PIK3C2G: variants seen among roughly 807,000 people sequenced by gnomAD.
PIK3C2G encodes the protein phosphatidylinositol 3-kinase C2 domain-containing subunit gamma.
A neutral mutation model predicts 181.1 loss-of-function variants in PIK3C2G; 168 were observed. The observed-to-expected ratio is 0.93, with a 90% CI of 0.82 to 1.05. PIK3C2G has a LOEUF of 1.05. PIK3C2G is among the 50% of genes least tolerant of loss of function. PIK3C2G has a pLI of 0.00. For synonymous variants in PIK3C2G, 573 were observed against 592.2 expected, an observed-to-expected ratio of 0.97 and a Z score of 0.47; for missense variants, 1,869 against 1,732.8, an observed-to-expected ratio of 1.08 and a Z score of -1.40.
intron 24 of PIK3C2G, among the ~76,000 whole-genome samples, chr12:18,512,470 A>C (rs1306593197): frequency 6.6e-6 from 1 of 151,896 alleles, no homozygotes; most frequent in Non-Finnish European, 1.5e-5. Flanking sequence ...AGTTTTTTTC[A>C]GTTTCTTTCA....
chr12:18,284,182 T>C (rs1169713812), intron 2 of PIK3C2G, among the ~76,000 whole-genome samples: 2 of 152,136 alleles, frequency 1.3e-5, no homozygotes, highest in South Asian at 4.1e-4. Context: ...GATAGGATTG[T>C]GTTAATTACA....
chr12:18,248,911 A>G (rs548983570), intron 1 of PIK3C2G, among the ~76,000 whole-genome samples: 1 of 152,306 alleles, frequency 6.6e-6, no homozygotes, highest in East Asian at 1.9e-4. Flanking sequence ...AAAGTTTCCA[A>G]ACATCTCCAT....
At chr12:18,265,084 A>G (rs1029426231) in intron 1 of PIK3C2G, among the ~76,000 whole-genome samples, 1 of 152,194 alleles carries the variant, frequency 6.6e-6, no homozygotes, top group Non-Finnish European at 1.5e-5. Context: ...GTGTGTTTCT[A>G]TATTTTTGTG....
At chr12:18,505,096 G>A (rs114553596) in intron 23 of PIK3C2G, among the ~76,000 whole-genome samples, 196 bp from the exon 24 acceptor site, 1,525 of 152,252 alleles carry the variant, frequency 0.01, 27 homozygotes, top group African/African-American at 0.035. Flanking sequence ...TTAGGCTAAA[G>A]AACAGTTGTT....
chr12:18,680,477 G>A, the PIK3C2G span, among the ~76,000 whole-genome samples: 1 of 151,982 alleles, frequency 6.6e-6, no homozygotes, highest in Non-Finnish European at 1.5e-5. Context: ...CAACCAGCCT[G>A]TCATTTACCT....
At chr12:18,554,835 AATTC>A (rs1289441251) in intron 26 of PIK3C2G, among the ~76,000 whole-genome samples, 1 of 151,482 alleles carries the variant, frequency 6.6e-6, no homozygotes, top group Non-Finnish European at 1.5e-5. Flanking sequence ...AAGTTTTATT[AATTC>A]ATTGTTCCCC....
At chr12:18,700,332 CTA>C in the PIK3C2G span, among the ~76,000 whole-genome samples, 8 of 151,776 alleles carry the variant, frequency 5.3e-5, no homozygotes, top group Non-Finnish European at 1.0e-4. Flanking sequence ...AACCTGGCAT[CTA>C]TTTCTTTTAC....
intron 13 of PIK3C2G, among the ~76,000 whole-genome samples, chr12:18,379,153 A>G (rs1238694830): frequency 3.3e-5 from 5 of 152,040 alleles, no homozygotes; most frequent in Non-Finnish European, 4.4e-5. Flanking sequence ...AGAAAATGTG[A>G]CACATATACA....
chr12:18,618,289 C>T (rs902282942), intron 31 of PIK3C2G, among the ~76,000 whole-genome samples: 3 of 151,926 alleles, frequency 2.0e-5, no homozygotes, highest in Non-Finnish European at 2.9e-5. Flanking sequence ...GGAAAGTCCC[C>T]GATAAAAGAC....
chr12:18,566,913 A>G (rs1945666820), intron 28 of PIK3C2G, 36 bp from the exon 29 acceptor site: 1 of 1,079,700 alleles, frequency 9.3e-7, no homozygotes. Context: ...CCAGTTTTCA[A>G]ACTAATGAAG....
At chr12:18,719,997 C>T in the PIK3C2G span, among the ~76,000 whole-genome samples, 2 of 152,080 alleles carry the variant, frequency 1.3e-5, no homozygotes, top group Non-Finnish European at 2.9e-5. Flanking sequence ...AGCCTGCCTC[C>T]GACTAACTTC....
chr12:18,274,377 C>A (rs367806966), intron 1 of PIK3C2G, among the ~76,000 whole-genome samples: 26 of 152,082 alleles, frequency 1.7e-4, no homozygotes, highest in Non-Finnish European at 2.2e-4. Flanking sequence ...GGCACTATTC[C>A]CAATAGCAAA....
At chr12:18,422,165 T>A (rs1255617432) in intron 17 of PIK3C2G, among the ~76,000 whole-genome samples, 2 of 152,070 alleles carry the variant, frequency 1.3e-5, no homozygotes, top group Non-Finnish European at 2.9e-5. Context: ...AGACCCATAT[T>A]GCCACAAATC....
At chr12:18,659,727 G>T in the PIK3C2G span, among the ~76,000 whole-genome samples, 2 of 146,512 alleles carry the variant, frequency 1.4e-5, no homozygotes, top group African/African-American at 5.2e-5. Flanking sequence ...ACAACGTGCA[G>T]GTTTGTTAAA....
chr12:18,248,549 T>C (rs1210278129), intron 1 of PIK3C2G, among the ~76,000 whole-genome samples: 2 of 152,026 alleles, frequency 1.3e-5, no homozygotes, highest in South Asian at 2.1e-4. Flanking sequence ...CCAGCCTGGG[T>C]GACAGAGCGA....
At chr12:18,490,025 A>G (rs1940409149) in intron 19 of PIK3C2G, among the ~76,000 whole-genome samples, 1 of 152,186 alleles carries the variant, frequency 6.6e-6, no homozygotes, top group African/African-American at 2.4e-5. Context: ...ATTTCTCACA[A>G]TTTAAGAAAT....
At chr12:18,514,822 C>T (rs1312285518) in intron 24 of PIK3C2G, among the ~76,000 whole-genome samples, 3 of 151,824 alleles carry the variant, frequency 2.0e-5, no homozygotes, top group Middle Eastern at 3.4e-3. Context: ...CTTCTTGTTC[C>T]GGATCTTAGA....
Position 18,320,987 on chromosome 12 carries a change from A to G in PIK3C2G, c.1163A>G (p.Tyr388Cys). 6.4e-7 allele frequency: 1 copy of G among 1,574,180 alleles called. No individual in the cohort carries two copies. The highest frequency in any genetic ancestry group is 8.7e-7 in the Non-Finnish European group (1 of 1,147,704). The change falls in exon 7 of 33, where the codon TAT (tyrosine) becomes TGT (cysteine). Residue 388 changes from tyrosine (Y) to cysteine (C), a missense_variant. Tyr to Cys is a radical substitution (Grantham distance 194). Coordinates refer to ENST00000538779, the MANE Select transcript of PIK3C2G (RefSeq NM_001288772.2). Reference protein sequence around the residue: ...RKHEEDHSQFYLNQLLEFMHI... With the variant: ...RKHEEDHSQFCLNQLLEFMHI... ...CATGAAGAGGACCACAGTCAGTTTT[A>G]TCTGAATCAACTTCTAGAATTTATG...
chr12:18,650,051 T>G (rs1950349323), downstream of PIK3C2G, among the ~76,000 whole-genome samples: 1 of 152,066 alleles, frequency 6.6e-6, no homozygotes, highest in African/African-American at 2.4e-5. Flanking sequence ...TTCCCAGTTT[T>G]ATAACTCCAG....
Sources: gnomAD v4.1 joint callset for allele counts (sites outside exome capture counted in the v4.1 genomes callset) on GRCh38, gnomAD v4.1.1 for gene constraint, MANE v1.5 for transcripts, NCBI Gene and HGNC (gene_info 2026-07-23, HGNC 2026-07-21) for gene names.